Variants in CAMTA1 observed in about 807,000 individuals in gnomAD.
The protein encoded by CAMTA1 is calmodulin binding transcription activator 1.
A neutral mutation model predicts 170.9 loss-of-function variants in CAMTA1; 27 were observed. The observed-to-expected ratio is 0.16, with a 90% CI of 0.12 to 0.22. The LOEUF is 0.22. Ranked by LOEUF, CAMTA1 falls within the 10% of genes least tolerant of loss-of-function variation. The pLI, the probability that CAMTA1 is intolerant of heterozygous loss-of-function variation, is 1.00. For missense variants in CAMTA1, 1,619 were observed against 2,217.2 expected, an observed-to-expected ratio of 0.73 and a Z score of 5.42; for synonymous variants, 833 against 891.5, an observed-to-expected ratio of 0.93 and a Z score of 1.17.
At chr1:7,221,064 C>CA in intron 4 of CAMTA1, among the ~76,000 whole-genome samples, 3 of 152,284 alleles carry the variant, frequency 2.0e-5, no homozygotes, top group Middle Eastern at 6.8e-3. Context: ...CGAAGGCCGG[C>CA]ACGGCACCAG....
At chr1:6,936,319 T>C (rs561735514) in intron 3 of CAMTA1, among the ~76,000 whole-genome samples, 125 of 152,306 alleles carry the variant, frequency 8.2e-4, no homozygotes, top group Non-Finnish European at 1.6e-3. Context: ...TATGGTGGGA[T>C]TTAGTACAAA....
At chr1:7,082,881 T>G (rs988966751) in intron 3 of CAMTA1, among the ~76,000 whole-genome samples, 1 of 152,182 alleles carries the variant, frequency 6.6e-6, no homozygotes, top group Non-Finnish European at 1.5e-5. Flanking sequence ...GTTTTGCACT[T>G]GAATGTGATA....
chr1:7,481,432 G>T (rs918613778), intron 6 of CAMTA1, among the ~76,000 whole-genome samples: 2 of 152,120 alleles, frequency 1.3e-5, no homozygotes, highest in Non-Finnish European at 2.9e-5. Context: ...ACTGGAGGCT[G>T]CCCTGGACCT....
In CAMTA1 at chr1:7,570,074, G is replaced by C. The variant is rs538193683; in HGVS notation, c.511-70326G>C. On this transcript the variant is annotated intron_variant, in intron 6 of 22. Coordinates refer to ENST00000303635, the MANE Select transcript of CAMTA1 (RefSeq NM_015215.4). This position sits in a 1 kb window ranked among gnomAD's most constrained non-coding sequence, Gnocchi z 4.3. ...AATGGCTTTTGCTTTGATCATTAGG[G>C]GTCCTGGGAGGCCTTGGGGCCGTCT... is the stretch of plus-strand genomic sequence containing the variant. Among the ~76,000 whole-genome samples the C allele has an allele frequency of 6.6e-6, 1 of 152,144 alleles. No homozygotes were observed. Among genetic ancestry groups the C allele is most frequent in the African/African-American group, 2.4e-5 (1 of 41,410 alleles).
At chr1:7,541,464 T>G (rs1367922103) in intron 6 of CAMTA1, among the ~76,000 whole-genome samples, 1 of 152,232 alleles carries the variant, frequency 6.6e-6, no homozygotes, top group Non-Finnish European at 1.5e-5. Context: ...CAAATTGGTT[T>G]AAGTGAAAAT....
chr1:7,471,901 G>T (rs11120941), intron 6 of CAMTA1, among the ~76,000 whole-genome samples: 24,606 of 152,202 alleles, frequency 0.16, 2,216 homozygotes, highest in African/African-American at 0.23. Flanking sequence ...GCCTGCCCCC[G>T]CAGGGGACCA....
chr1:7,109,492 G>C (rs1643885930), intron 4 of CAMTA1, among the ~76,000 whole-genome samples: 1 of 152,190 alleles, frequency 6.6e-6, no homozygotes, highest in Non-Finnish European at 1.5e-5. Flanking sequence ...GAATATGCAT[G>C]ATCCATTGAT....
At chr1:7,027,901 T>G (rs1240601776) in intron 3 of CAMTA1, among the ~76,000 whole-genome samples, 1 of 151,622 alleles carries the variant, frequency 6.6e-6, no homozygotes, top group Non-Finnish European at 1.5e-5. Flanking sequence ...TCTTTTTCTT[T>G]TTCTTTTCTT....
At chr1:7,129,956 A>T (rs1300589923) in intron 4 of CAMTA1, among the ~76,000 whole-genome samples, 3 of 140,384 alleles carry the variant, frequency 2.1e-5, no homozygotes, top group South Asian at 2.2e-4. Context: ...TGTGTGTGTG[A>T]GATGGAGTTT....
chr1:6,986,864 G>C (rs1205977033), intron 3 of CAMTA1, among the ~76,000 whole-genome samples: 2 of 152,014 alleles, frequency 1.3e-5, no homozygotes, highest in Admixed American at 6.6e-5. Flanking sequence ...CACTCCTGCT[G>C]GTTTCTTTTG....
chr1:7,033,588 C>CTTTTTTTTTTTTTTTTTTTTTTTTTTTTT (rs34282545), intron 3 of CAMTA1, among the ~76,000 whole-genome samples: 1 of 95,130 alleles, frequency 1.1e-5, no homozygotes. Context: ...TGTAAATATT[C>CTTTTTTTTTTTTTTTTTTTTTTTTTTTTT]TTTTTTTTTT....
At chr1:7,410,319 C>T (rs888374143) in intron 5 of CAMTA1, among the ~76,000 whole-genome samples, 4 of 152,214 alleles carry the variant, frequency 2.6e-5, no homozygotes, top group Admixed American at 6.5e-5. Context: ...CCAGGGCCTG[C>T]GGCAGAGCTG....
chr1:7,684,252 T>C (rs1270928291), intron 11 of CAMTA1, among the ~76,000 whole-genome samples: 1 of 152,224 alleles, frequency 6.6e-6, no homozygotes, highest in African/African-American at 2.4e-5. Context: ...CTCGGGCAGA[T>C]GCAGGCTCCT....
intron 5 of CAMTA1, among the ~76,000 whole-genome samples, chr1:7,421,462 G>T (rs2091555200): frequency 6.6e-6 from 1 of 152,124 alleles, no homozygotes; most frequent in Admixed American, 6.5e-5. Context: ...CCTATTGGTT[G>T]AATATTTTTA....
At chr1:7,550,723 CT>C (rs2094788345) in intron 6 of CAMTA1, among the ~76,000 whole-genome samples, 1 of 150,314 alleles carries the variant, frequency 6.7e-6, no homozygotes, top group Non-Finnish European at 1.5e-5. Flanking sequence ...GCCCCTCCCC[CT>C]GACTCCTCCC....
intron 3 of CAMTA1, among the ~76,000 whole-genome samples, chr1:6,872,280 A>C (rs529269140): frequency 3.6e-3 from 547 of 151,818 alleles, no homozygotes; most frequent in Non-Finnish European, 6.1e-3. Flanking sequence ...TTTCCTCTGC[A>C]GAGTAACTTA....
Position 6,785,499 on chromosome 1 carries a change from C to G in CAMTA1, c.-32C>G. The G allele has an allele frequency of 9.8e-7, 1 of 1,024,834 alleles. No individual in the cohort carries two copies. Among genetic ancestry groups the G allele is most frequent in the Non-Finnish European group, 1.2e-6 (1 of 850,728 alleles). The allele number at this position is 1,024,834 out of a possible 1,614,324, so 63.5% of individuals were successfully genotyped here. ...GGCGGCGGCGGCGGTACGAGGCGCG[C>G]GCTCGGGGTCCCGGTCGCGAGGAGG... On this transcript the variant is annotated 5_prime_UTR_variant, in exon 1 of 23. Transcript: ENST00000303635.
rs540394243 is a variant in CAMTA1 at position 7,389,135 on chromosome 1, G to A, written c.439-78695G>A. On this transcript the variant is annotated intron_variant, in intron 5 of 22. Coordinates refer to ENST00000303635, the MANE Select transcript of CAMTA1 (RefSeq NM_015215.4). Reference sequence around the variant, plus strand: ...GAGTCACTCTGCAGCAGCACAGAGCGAGTCCGCTGGGTGCTGTGAGACGAC... The same window carrying A: ...GAGTCACTCTGCAGCAGCACAGAGCAAGTCCGCTGGGTGCTGTGAGACGAC... Among the ~76,000 whole-genome samples, 7 of 152,338 alleles carry A rather than the reference G, an allele frequency of 4.6e-5. No homozygotes were observed. The South Asian group carries it at 1.2e-3, about 27-fold the overall frequency.
At position 7,680,815 on chromosome 1, in the gene CAMTA1, G is replaced by A. The variant is rs569111506; in HGVS notation, c.2914+3082G>A. Among the ~76,000 whole-genome samples the A allele has an allele frequency of 1.4e-5, 2 of 147,744 alleles. No homozygotes were observed. Among genetic ancestry groups the A allele is most frequent in the African/African-American group, 2.5e-5 (1 of 40,514 alleles). On this transcript the variant is annotated intron_variant, in intron 11 of 22. Transcript: ENST00000303635. This position sits in a 1 kb window ranked among gnomAD's most constrained non-coding sequence, Gnocchi z 4.4. ...TGTTTGCTTGGCTAAAGGCCGGGGG[G>A]GGGCGTGGGTCCGGGGCGCAGAGAA...
Sources: allele counts gnomAD v4.1 joint callset (sites outside exome capture counted in the v4.1 genomes callset), GRCh38; gene constraint gnomAD v4.1.1; non-coding constraint Gnocchi (gnomAD v3.1); transcripts MANE v1.5; gene names NCBI Gene and HGNC (gene_info 2026-07-23, HGNC 2026-07-21).